The following HACD3 variants were observed in gnomAD, a reference collection of about 807,000 sequenced individuals.
HACD3 encodes the protein very-long-chain (3R)-3-hydroxyacyl-CoA dehydratase 3.
In HACD3, 30 loss-of-function variants were observed where a neutral mutation model predicts 55.2. The ratio of observed to expected loss-of-function variants is 0.54; its 90% CI spans 0.41 to 0.74. HACD3 has a LOEUF of 0.74. HACD3 is among the 30% of genes least tolerant of loss of function. HACD3 has a pLI of 0.00. For missense variants in HACD3, 363 were observed against 440.1 expected, an observed-to-expected ratio of 0.82 and a Z score of 1.57; for synonymous variants, 141 against 151.7, an observed-to-expected ratio of 0.93 and a Z score of 0.52.
intron 1 of HACD3, among the ~76,000 whole-genome samples, chr15:65,549,426 GAAAAAAAA>G (rs34149100): frequency 8.1e-4 from 90 of 111,066 alleles, no homozygotes; most frequent in African/African-American, 2.9e-3. Context: ...TCTCTGCTGG[GAAAAAAAA>G]AAAAAAAAAA....
intron 1 of HACD3, 114 bp downstream of exon 1, chr15:65,530,832 A>G (rs1199019051): frequency 5.7e-6 from 6 of 1,047,752 alleles, no homozygotes; most frequent in Non-Finnish European, 6.7e-6. Flanking sequence ...TGCGCCAACA[A>G]GGTCGGCGAC....
chr15:65,536,480 G>T (rs1324298961), intron 1 of HACD3, among the ~76,000 whole-genome samples: 1 of 152,208 alleles, frequency 6.6e-6, no homozygotes, highest in Non-Finnish European at 1.5e-5. Context: ...CTACAATGGG[G>T]TCGGGTGTGA....
rs751900185 is a variant in HACD3, at chr15:65,562,790, G to A, written c.438G>A (p.Arg146=). The part of the protein sequence containing the change: ...EGSPETLTNL[R]KGYLFMYNLV... ...GCTTTACAGCTCTTACAAACTTAAG[G>A]AAAGGATACCTGTTTATGTATAATC... Residue 146 remains arginine (R), a synonymous_variant, in exon 6 of 11, where the codon AGG becomes AGA. Coordinates refer to ENST00000261875, the MANE Select transcript of HACD3 (RefSeq NM_016395.4). 6.2e-7 allele frequency: 1 copy of A among 1,613,774 alleles called. No homozygotes were observed. Among genetic ancestry groups the A allele is most frequent in the Admixed American group, 1.7e-5 (1 of 59,998 alleles).
At chr15:65,538,284 A>AT (rs2071984598) in intron 1 of HACD3, among the ~76,000 whole-genome samples, 1 of 152,202 alleles carries the variant, frequency 6.6e-6, no homozygotes, top group Admixed American at 6.6e-5. Flanking sequence ...CATTAAGATC[A>AT]TTTGTGATTC....
intron 5 of HACD3, among the ~76,000 whole-genome samples, chr15:65,560,667 G>C (rs908149089): frequency 6.6e-6 from 1 of 152,104 alleles, no homozygotes; most frequent in East Asian, 1.9e-4. Flanking sequence ...AGCAAGGTGT[G>C]GTGGCACAGA....
chr15:65,572,161 C>T, intron 9 of HACD3, 74 bp from the exon 10 acceptor site: 4 of 1,568,302 alleles, frequency 2.6e-6, no homozygotes, highest in Non-Finnish European at 3.5e-6. Flanking sequence ...CTTTAGAGTA[C>T]TAGGACTGGA....
chr15:65,570,051 T>G lies in HACD3; in HGVS notation c.661-40T>G, dbSNP rs775766587. ...ACACATTTCTATAACTTTACATATA[T>G]TTTATTAACTTTTTTCTCTCTTTTG... On this transcript the variant is annotated intron_variant, in intron 7 of 10. Transcript: ENST00000261875. 3 of 1,331,366 alleles carry G rather than the reference T, an allele frequency of 2.3e-6. No homozygotes were observed. The African/African-American group carries it at 4.5e-5, about 20-fold the overall frequency. The allele number at this position is 1,331,366 out of a possible 1,614,324, so 82.5% of individuals were successfully genotyped here.
intron 10 of HACD3, among the ~76,000 whole-genome samples, chr15:65,573,766 T>C (rs2072374808): frequency 6.6e-6 from 1 of 152,196 alleles, no homozygotes; most frequent in Non-Finnish European, 1.5e-5. Flanking sequence ...AAATAATTTT[T>C]TCCTTTTAAG....
At chr15:65,543,904 T>C (rs2072046528) in intron 1 of HACD3, among the ~76,000 whole-genome samples, 1 of 152,094 alleles carries the variant, frequency 6.6e-6, no homozygotes, top group African/African-American at 2.4e-5. Flanking sequence ...CGGCGGGGCG[T>C]GGTGGATCAC....
chr15:65,535,403 A>G (rs950852004), intron 1 of HACD3, among the ~76,000 whole-genome samples: 1 of 152,234 alleles, frequency 6.6e-6, no homozygotes, highest in African/African-American at 2.4e-5. Flanking sequence ...ATTTCAGAGT[A>G]AAAGGAAACA....
rs369166548 is a variant in HACD3 at position 65,560,823 on chromosome 15, C to T, written c.422-1951C>T. 6.6e-4 allele frequency among the ~76,000 whole-genome samples: 100 copies of T among 150,602 alleles called. 2 individuals carry two copies. Among genetic ancestry groups the T allele is most frequent in the African/African-American group, 2.3e-3 (94 of 40,948 alleles). On this transcript the variant is annotated intron_variant, in intron 5 of 10. Coordinates refer to ENST00000261875, the MANE Select transcript of HACD3 (RefSeq NM_016395.4). ...TCTCAAAAAAAAAAAAAAAAAAGCC[C>T]GGATTAGATACCAGCTTTATCCATG...
chr15:65,531,759 T>C (rs1211559032), intron 1 of HACD3, among the ~76,000 whole-genome samples: 1 of 151,986 alleles, frequency 6.6e-6, no homozygotes, highest in African/African-American at 2.4e-5. Context: ...AGCGACAGGG[T>C]TTCACCATGT....
chr15:65,566,792 T>C (rs1367448941), intron 7 of HACD3: 1 of 152,218 alleles, frequency 6.6e-6, no homozygotes, highest in Non-Finnish European at 1.5e-5. Flanking sequence ...AACCCCAGGG[T>C]TATTTACCAA....
At chr15:65,541,167 T>C (rs1218944030) in intron 1 of HACD3, among the ~76,000 whole-genome samples, 1 of 152,212 alleles carries the variant, frequency 6.6e-6, no homozygotes. Context: ...GTGATATAAC[T>C]ATACAAATAC....
intron 3 of HACD3, 40 bp downstream of exon 3, chr15:65,555,000 A>G: frequency 1.4e-6 from 2 of 1,458,042 alleles, no homozygotes; most frequent in South Asian, 1.1e-5. Flanking sequence ...CCATTTTAGG[A>G]AATGAATACC....
At position 65,576,532 on chromosome 15, in the gene HACD3, A is replaced by G; in HGVS notation, c.*153A>G. 12 of 793,702 alleles carry G rather than the reference A, an allele frequency of 1.5e-5. No homozygotes were observed. Among genetic ancestry groups the G allele is most frequent in the Non-Finnish European group, 2.3e-5 (12 of 513,470 alleles). 49.2% of individuals were successfully genotyped at this position (793,702 alleles called of 1,614,324 possible). Reference sequence around the variant, plus strand: ...TTTCCCCAGTAACATTCCTGAATTTACTGTTATCTTATTGTAGTACTTGCA... The same window carrying G: ...TTTCCCCAGTAACATTCCTGAATTTGCTGTTATCTTATTGTAGTACTTGCA... On this transcript the variant is annotated 3_prime_UTR_variant, in exon 11 of 11. Transcript: ENST00000261875.
At chr15:65,538,077 G>C (rs189200737) in intron 1 of HACD3, among the ~76,000 whole-genome samples, 43 of 150,100 alleles carry the variant, frequency 2.9e-4, no homozygotes, top group African/African-American at 9.0e-4. Flanking sequence ...GAAATGTCAA[G>C]GAGATTAATG....
chr15:65,573,833 A>C (rs1356601104), intron 10 of HACD3, among the ~76,000 whole-genome samples: 1 of 152,226 alleles, frequency 6.6e-6, no homozygotes, highest in Non-Finnish European at 1.5e-5. Flanking sequence ...AAACAGAATG[A>C]AAGGAATTTT....
Position 65,554,865 on chromosome 15 carries a change from AC to A in HACD3, c.131-19del, listed in dbSNP as rs761152504. The A allele has an allele frequency of 1.9e-6, 3 of 1,581,706 alleles. 1 individual carries two copies. In the South Asian group the frequency reaches 3.3e-5, roughly 18 times the overall value. Reference sequence around the variant, plus strand: ...CCTTGCTCTGCTCAAGTTTGCAGTAACCCACATTTCTTTCTTTATAGCTCAA... The same window carrying A: ...CCTTGCTCTGCTCAAGTTTGCAGTAACCACATTTCTTTCTTTATAGCTCAA... On this transcript the variant is annotated intron_variant, in intron 2 of 10. Coordinates refer to ENST00000261875, the MANE Select transcript of HACD3 (RefSeq NM_016395.4).
Sources: gnomAD v4.1 joint callset for allele counts (sites outside exome capture counted in the v4.1 genomes callset) on GRCh38, gnomAD v4.1.1 for gene constraint, MANE v1.5 for transcripts, NCBI Gene and HGNC (gene_info 2026-07-23, HGNC 2026-07-21) for gene names.